Variants in CBLB observed in about 807,000 individuals in gnomAD.
CBLB encodes E3 ubiquitin-protein ligase CBL-B.
In CBLB, 31 loss-of-function variants were observed where a neutral mutation model predicts 104.9. The ratio of observed to expected loss-of-function variants is 0.30; its 90% CI spans 0.22 to 0.40. The LOEUF (loss-of-function observed/expected upper bound fraction) is 0.40. Ranked by LOEUF, CBLB falls within the 10% of genes least tolerant of loss-of-function variation. The pLI is 1.00. For synonymous variants in CBLB, 440 were observed against 422.6 expected (o/e 1.04, Z -0.51); for missense variants, 1,062 against 1,214.6 (o/e 0.87, Z 1.87).
intron 6 of CBLB, among the ~76,000 whole-genome samples, chr3:105,743,759 A>T (rs1308850642): frequency 6.6e-6 from 1 of 151,188 alleles, no homozygotes; most frequent in African/African-American, 2.4e-5. Flanking sequence ...TTAAACACAG[A>T]TATTCTCCAA....
intron 4 of CBLB, among the ~76,000 whole-genome samples, chr3:105,760,166 T>TAATA (rs1430898997): frequency 1.3e-5 from 2 of 152,184 alleles, no homozygotes; most frequent in Admixed American, 1.3e-4. Context: ...CCTTGGAACA[T>TAATA]AATAAACAAT....
chr3:105,828,984 C>G lies in CBLB; in HGVS notation c.419+24430G>C, dbSNP rs150395859. ...GAACCTCTATACCACATTTCTAGAC[C>G]AGAATATTTAACATATATAATTTGC... On this transcript the variant is annotated intron_variant, in intron 3 of 18. Coordinates refer to ENST00000394030, the MANE Select transcript of CBLB (RefSeq NM_170662.5). Among the ~76,000 whole-genome samples the G allele has an allele frequency of 3.9e-3, 591 of 151,778 alleles. 2 individuals carry two copies. Among genetic ancestry groups the G allele is most frequent in the African/African-American group, 0.014 (564 of 41,352 alleles).
intron 18 of CBLB, among the ~76,000 whole-genome samples, chr3:105,667,053 A>C (rs2064547514): frequency 6.6e-6 from 1 of 152,234 alleles, no homozygotes; most frequent in East Asian, 1.9e-4. Flanking sequence ...TGTATTCAAC[A>C]TTCCAACAAT....
At chr3:105,818,825 C>T (rs2085423158) in intron 3 of CBLB, among the ~76,000 whole-genome samples, 1 of 151,958 alleles carries the variant, frequency 6.6e-6, no homozygotes, top group South Asian at 2.1e-4. Context: ...TATTCTATTA[C>T]TTTAAAACCT....
chr3:105,803,872 C>T (rs1256293760), intron 3 of CBLB, among the ~76,000 whole-genome samples: 2 of 152,144 alleles, frequency 1.3e-5, no homozygotes, highest in Non-Finnish European at 2.9e-5. Context: ...ATAATACTGT[C>T]AACTGGAAAC....
chr3:105,672,428 C>T (rs930674058), intron 17 of CBLB: 14 of 175,844 alleles, frequency 8.0e-5, no homozygotes, highest in East Asian at 3.9e-4. Flanking sequence ...AAACTGGGCT[C>T]TCTAAAGCAA....
chr3:105,733,368 A>G (rs1484649766), intron 9 of CBLB, among the ~76,000 whole-genome samples: 1 of 152,090 alleles, frequency 6.6e-6, no homozygotes, highest in Non-Finnish European at 1.5e-5. Context: ...AAAAAAAAAA[A>G]AAAAGGAAAG....
rs1576472363 is a variant in CBLB at position 105,704,260 on chromosome 3, G to A, written c.1408-87C>T. On this transcript the variant is annotated intron_variant, in intron 10 of 18. Transcript: ENST00000394030. ...TAAAGAATATATTTGGTTGGAAGAAGGTTTCTGGCACCATACATTTGTTAA... is the reference window on the plus strand; with the variant it reads ...TAAAGAATATATTTGGTTGGAAGAAAGTTTCTGGCACCATACATTTGTTAA... 13 of 1,245,826 alleles carry A rather than the reference G, an allele frequency of 1.0e-5. No individual in the cohort carries two copies. The East Asian group carries it at 3.0e-4, about 29-fold the overall frequency. The allele number at this position is 1,245,826 out of a possible 1,614,324, so 77.2% of individuals were successfully genotyped here.
At chr3:105,709,372 T>C (rs1244876793) in intron 10 of CBLB, among the ~76,000 whole-genome samples, 1 of 151,940 alleles carries the variant, frequency 6.6e-6, no homozygotes, top group East Asian at 1.9e-4. Context: ...GGCAGTTCTG[T>C]CCTTGTATCT....
At chr3:105,847,755 A>T (rs558948529) in intron 3 of CBLB, among the ~76,000 whole-genome samples, 111 of 152,238 alleles carry the variant, frequency 7.3e-4, no homozygotes, top group Middle Eastern at 3.4e-3. Flanking sequence ...ACAGTGGCCA[A>T]CACCAGACCT....
chr3:105,682,506 T>C (rs544574418), intron 14 of CBLB, among the ~76,000 whole-genome samples: 2 of 152,086 alleles, frequency 1.3e-5, no homozygotes, highest in Admixed American at 6.6e-5. Context: ...CTTGAGTTGT[T>C]GGGGCTTTTT....
chr3:105,853,516 T>C lies in CBLB; in HGVS notation c.317A>G (p.Tyr106Cys). Reference protein sequence around the residue: ...QKLAQLSENEYFKIYIDSLMK... With the variant: ...QKLAQLSENECFKIYIDSLMK... ...AAGGCTATCAATGTAGATTTTAAAGTACTCATTCTCACTGAGTTGGGCAAG... is the reference window on the plus strand; with the variant it reads ...AAGGCTATCAATGTAGATTTTAAAGCACTCATTCTCACTGAGTTGGGCAAG... The change falls in exon 3 of 19, where the codon TAC (tyrosine) becomes TGC (cysteine). Residue 106 changes from tyrosine (Y) to cysteine (C), a missense_variant. This residue lies in a region of CBLB where 457 missense variants were observed against 632.0 expected (regional missense o/e 0.72). Coordinates refer to ENST00000394030, the MANE Select transcript of CBLB (RefSeq NM_170662.5). 2 of 1,613,402 alleles carry C rather than the reference T, an allele frequency of 1.2e-6. No homozygotes were observed. The highest frequency in any genetic ancestry group is 1.7e-6 in the Non-Finnish European group (2 of 1,179,432).
At chr3:105,667,968 C>T (rs2064659047) in intron 18 of CBLB, among the ~76,000 whole-genome samples, 1 of 152,206 alleles carries the variant, frequency 6.6e-6, no homozygotes. Context: ...AAGACCTCAT[C>T]TAGAAGGCAA....
At chr3:105,675,275 GT>G (rs2065475467) in intron 17 of CBLB, among the ~76,000 whole-genome samples, 1 of 152,102 alleles carries the variant, frequency 6.6e-6, no homozygotes, top group East Asian at 1.9e-4. Context: ...CACAGAGTTT[GT>G]TTAAATTTTG....
At chr3:105,758,550 G>A (rs2077288846) in intron 4 of CBLB, among the ~76,000 whole-genome samples, 1 of 152,154 alleles carries the variant, frequency 6.6e-6, no homozygotes, top group South Asian at 2.1e-4. Context: ...ACTCAACCTG[G>A]CGGGCCACGC....
At chr3:105,725,050 C>T (rs574914686) in intron 9 of CBLB, among the ~76,000 whole-genome samples, 43 of 152,080 alleles carry the variant, frequency 2.8e-4, no homozygotes, top group Admixed American at 9.2e-4. Context: ...GAAAAATAGC[C>T]GGTTGCTACT....
intron 3 of CBLB, among the ~76,000 whole-genome samples, chr3:105,838,761 T>C (rs1363794507): frequency 6.6e-6 from 1 of 151,532 alleles, no homozygotes; most frequent in Non-Finnish European, 1.5e-5. Context: ...GCCATTCTCC[T>C]GCCTCAGCCT....
At chr3:105,786,061 C>CGGT (rs1553794621) in intron 3 of CBLB, among the ~76,000 whole-genome samples, 1 of 79,252 alleles carries the variant, frequency 1.3e-5, no homozygotes, top group African/African-American at 4.3e-5. Flanking sequence ...GTGAGAGGAT[C>CGGT]GGGGGGGGGA....
chr3:105,701,342 G>A (rs1290226610), intron 12 of CBLB, among the ~76,000 whole-genome samples: 1 of 152,158 alleles, frequency 6.6e-6, no homozygotes, highest in Non-Finnish European at 1.5e-5. Flanking sequence ...GTATATAGGA[G>A]GTTCATTTTA....
Sources: gnomAD v4.1 joint callset for allele counts (sites outside exome capture counted in the v4.1 genomes callset) on GRCh38, gnomAD v4.1.1 for gene constraint, gnomAD v4.1.1 regional missense constraint, MANE v1.5 for transcripts, NCBI Gene and HGNC (gene_info 2026-07-23, HGNC 2026-07-21) for gene names.